The following SMYD3 variants were observed in gnomAD, a reference collection of about 807,000 sequenced individuals.
SMYD3 encodes the protein histone-lysine N-methyltransferase SMYD3.
SMYD3 carries 36 observed loss-of-function variants against 57.7 expected under a neutral mutation model. The observed-to-expected ratio is 0.62, with a 90% confidence interval of 0.48 to 0.82. The LOEUF (loss-of-function observed/expected upper bound fraction) is 0.82. SMYD3 is among the 40% of genes least tolerant of loss of function. The pLI is 0.00. For missense variants in SMYD3, 515 were observed against 538.8 expected (o/e 0.96, Z 0.44); for synonymous variants, 211 against 195.0 (o/e 1.08, Z -0.68).
chr1:246,258,518 T>C (rs981012627), intron 5 of SMYD3, among the ~76,000 whole-genome samples: 1 of 152,194 alleles, frequency 6.6e-6, no homozygotes, highest in Non-Finnish European at 1.5e-5. Flanking sequence ...TGCAATTTCT[T>C]TTCTTTAAAA....
At position 246,495,776 on chromosome 1, in the gene SMYD3, C is replaced by T. The variant is rs566977421; in HGVS notation, c.164+11278G>A. Reference sequence around the variant, plus strand: ...AGTAAATGGCAAAACCCCATCTCTACCAAAAATACCAAATAAAAAAAAAAA... The same window carrying T: ...AGTAAATGGCAAAACCCCATCTCTATCAAAAATACCAAATAAAAAAAAAAA... On this transcript the variant is annotated intron_variant, in intron 1 of 11. Coordinates refer to ENST00000490107, the MANE Select transcript of SMYD3 (RefSeq NM_001167740.2). Among the ~76,000 whole-genome samples the T allele has an allele frequency of 4.6e-5, 7 of 151,676 alleles. No homozygotes were observed. In the South Asian group the frequency reaches 1.5e-3, roughly 32 times the overall value.
chr1:246,270,018 CT>C (rs1299022246), intron 5 of SMYD3, among the ~76,000 whole-genome samples: 2 of 152,122 alleles, frequency 1.3e-5, no homozygotes, highest in Non-Finnish European at 2.9e-5. Flanking sequence ...CAGATTGTCT[CT>C]TTTGCTAGGT....
At chr1:246,506,981 CGCCCGACG>C in intron 1 of SMYD3, 65 bp downstream of exon 1, 2 of 805,618 alleles carry the variant, frequency 2.5e-6, no homozygotes, top group Non-Finnish European at 3.5e-6. Context: ...GGCTGCCGGC[CGCCCGACG>C]CCCCCCCCTC....
At chr1:245,920,107 A>G (rs1055048147) in intron 7 of SMYD3, among the ~76,000 whole-genome samples, 1 of 152,080 alleles carries the variant, frequency 6.6e-6, no homozygotes, top group East Asian at 1.9e-4. Context: ...AGGTCAGGAG[A>G]TTGAGACCAT....
chr1:245,944,706 A>G (rs1322746058), intron 5 of SMYD3, among the ~76,000 whole-genome samples: 1 of 152,206 alleles, frequency 6.6e-6, no homozygotes, highest in Non-Finnish European at 1.5e-5. Context: ...AAAAAGAACA[A>G]AGCCGGAGGC....
At chr1:246,273,232 C>T (rs1266630259) in intron 5 of SMYD3, among the ~76,000 whole-genome samples, 2 of 149,250 alleles carry the variant, frequency 1.3e-5, no homozygotes, top group African/African-American at 4.9e-5. Flanking sequence ...TCACTACAGC[C>T]TCCGCCTCCC....
intron 5 of SMYD3, among the ~76,000 whole-genome samples, chr1:246,287,036 A>G (rs560116581): frequency 6.6e-6 from 1 of 151,910 alleles, no homozygotes; most frequent in East Asian, 1.9e-4. Context: ...AGGACCGGCT[A>G]ATTTTTTGTA....
At chr1:246,182,372 C>T (rs2062567297) in intron 5 of SMYD3, among the ~76,000 whole-genome samples, 1 of 152,124 alleles carries the variant, frequency 6.6e-6, no homozygotes. Context: ...GTTATGACCT[C>T]ACTCCCACTG....
intron 5 of SMYD3, among the ~76,000 whole-genome samples, chr1:246,196,655 A>C (rs774523941): frequency 6.6e-6 from 1 of 152,226 alleles, no homozygotes; most frequent in Non-Finnish European, 1.5e-5. Flanking sequence ...TTCCCCAATG[A>C]AAAACAAATT....
chr1:246,370,350 G>A (rs1257265022), intron 1 of SMYD3, among the ~76,000 whole-genome samples: 1 of 152,186 alleles, frequency 6.6e-6, no homozygotes, highest in Admixed American at 6.5e-5. Context: ...GACTATACAG[G>A]ACCCCAGTTC....
At chr1:245,798,637 G>A (rs915280405) in intron 10 of SMYD3, among the ~76,000 whole-genome samples, 17 of 151,942 alleles carry the variant, frequency 1.1e-4, no homozygotes, top group Non-Finnish European at 2.4e-4. Context: ...TTCTCAGGCT[G>A]GGCTTGTACT....
rs80309977 is a variant in SMYD3, at chr1:245,759,634, G to A, written c.1185+4407C>T. ...CAGGGCAGCCGATGCAGGAATACAA[G>A]GAGCAATCTCTAGGACTTGCGGCCT... On this transcript the variant is annotated intron_variant, in intron 11 of 11. Coordinates refer to ENST00000490107, the MANE Select transcript of SMYD3 (RefSeq NM_001167740.2). Among the ~76,000 whole-genome samples the A allele has an allele frequency of 5.6e-3, 859 of 152,322 alleles. 10 individuals carry two copies. Among genetic ancestry groups the A allele is most frequent in the African/African-American group, 0.02 (834 of 41,572 alleles).
intron 5 of SMYD3, among the ~76,000 whole-genome samples, chr1:246,287,786 A>G (rs1229683703): frequency 6.6e-6 from 1 of 152,164 alleles, no homozygotes; most frequent in Non-Finnish European, 1.5e-5. Flanking sequence ...GACACCTATA[A>G]ATCAATATTT....
At chr1:246,496,324 A>G (rs12730310) in intron 1 of SMYD3, among the ~76,000 whole-genome samples, 60,983 of 151,432 alleles carry the variant, frequency 0.4, 13,978 homozygotes, top group East Asian at 0.71. Flanking sequence ...GTGAGCCACC[A>G]CGCCTGGCCA....
intron 1 of SMYD3, among the ~76,000 whole-genome samples, chr1:246,415,844 C>T (rs1233646154): frequency 6.6e-6 from 1 of 152,150 alleles, no homozygotes; most frequent in Non-Finnish European, 1.5e-5. Context: ...TATCTATTGC[C>T]ACTCAAACTC....
At chr1:246,157,086 C>T (rs867764329) in intron 5 of SMYD3, among the ~76,000 whole-genome samples, 1 of 152,214 alleles carries the variant, frequency 6.6e-6, no homozygotes, top group African/African-American at 2.4e-5. Flanking sequence ...TTTTACTTAG[C>T]GCTTACATCA....
intron 2 of SMYD3, 133 bp from the exon 3 acceptor site, chr1:246,335,607 C>T (rs932797633): frequency 1.5e-6 from 1 of 679,358 alleles, no homozygotes; most frequent in Non-Finnish European, 2.5e-6. Flanking sequence ...AAAATAAAAG[C>T]AATATTCTAA....
chr1:246,105,590 A>G (rs539221649), intron 5 of SMYD3, among the ~76,000 whole-genome samples: 20 of 152,312 alleles, frequency 1.3e-4, no homozygotes, highest in African/African-American at 4.8e-4. Context: ...GGAAAGAAAG[A>G]CTAAAGAGCA....
chr1:245,837,738 A>G (rs2050174727), intron 10 of SMYD3, among the ~76,000 whole-genome samples: 1 of 151,914 alleles, frequency 6.6e-6, no homozygotes. Flanking sequence ...CTTCTAGTCC[A>G]CCCCCGGGGA....
Sources: allele counts gnomAD v4.1 joint callset (sites outside exome capture counted in the v4.1 genomes callset), GRCh38; gene constraint gnomAD v4.1.1; transcripts MANE v1.5; gene names NCBI Gene and HGNC (gene_info 2026-07-23, HGNC 2026-07-21).